Variants in AHCTF1 observed in about 807,000 individuals in gnomAD.
The protein encoded by AHCTF1 is AT-hook containing transcription factor 1, also known as protein ELYS.
In AHCTF1, 24 loss-of-function variants were observed where a neutral mutation model predicts 248.4. The observed-to-expected ratio is 0.10, with a 90% CI of 0.07 to 0.14. AHCTF1 has a LOEUF of 0.14. Among genes scored for constraint, AHCTF1 ranks in the 10% least tolerant of loss-of-function variants. AHCTF1 has a pLI of 1.00. For missense variants in AHCTF1, 2,206 were observed against 2,636.2 expected (o/e 0.84, Z 3.57); for synonymous variants, 786 against 929.8 (o/e 0.85, Z 2.81).
intron 33 of AHCTF1, among the ~76,000 whole-genome samples, chr1:246,846,694 AAAG>A: frequency 6.6e-6 from 1 of 152,216 alleles, no homozygotes; most frequent in African/African-American, 2.4e-5. Context: ...TATGAAAAAA[AAAG>A]AAATATTACG....
intron 14 of AHCTF1, among the ~76,000 whole-genome samples, chr1:246,894,040 C>CA (rs1444123854): frequency 6.6e-6 from 1 of 151,858 alleles, no homozygotes; most frequent in Non-Finnish European, 1.5e-5. Context: ...CATGTCTCTA[C>CA]AAAAAATACA....
intron 4 of AHCTF1, among the ~76,000 whole-genome samples, chr1:246,910,520 A>G (rs1665726096): frequency 6.6e-6 from 1 of 152,262 alleles, no homozygotes. Flanking sequence ...GGAATGAACT[A>G]AACAGACACA....
At chr1:246,868,895 A>T (rs1662269409) in intron 24 of AHCTF1, among the ~76,000 whole-genome samples, 2 of 141,338 alleles carry the variant, frequency 1.4e-5, no homozygotes, top group South Asian at 2.2e-4. Context: ...CCCAGGTTGG[A>T]GTGCAGTGGT....
chr1:246,889,084 C>A (rs1664028064), intron 17 of AHCTF1, among the ~76,000 whole-genome samples: 1 of 152,112 alleles, frequency 6.6e-6, no homozygotes, highest in Non-Finnish European at 1.5e-5. Flanking sequence ...CTATTTTTCA[C>A]CATATTAAGC....
intron 29 of AHCTF1, among the ~76,000 whole-genome samples, chr1:246,858,649 G>A (rs1661285797): frequency 6.6e-6 from 1 of 151,586 alleles, no homozygotes; most frequent in South Asian, 2.1e-4. Context: ...CCAACATGGT[G>A]AAACCCCGCC....
intron 33 of AHCTF1, among the ~76,000 whole-genome samples, chr1:246,847,010 G>A (rs1179745197): frequency 6.6e-6 from 1 of 152,174 alleles, no homozygotes; most frequent in African/African-American, 2.4e-5. Flanking sequence ...CTGAAGGCTG[G>A]GCACAGTGGC....
intron 5 of AHCTF1, 147 bp downstream of exon 5, chr1:246,907,404 G>A: frequency 1.4e-6 from 1 of 692,000 alleles, no homozygotes; most frequent in South Asian, 2.0e-5. Flanking sequence ...TTAATGCCAT[G>A]AAAAATTAGT....
chr1:246,912,065 C>T (rs1442848951), intron 4 of AHCTF1, among the ~76,000 whole-genome samples: 1 of 152,026 alleles, frequency 6.6e-6, no homozygotes. Context: ...TTTTTATACA[C>T]TGACAATTTT....
intron 29 of AHCTF1, among the ~76,000 whole-genome samples, chr1:246,858,815 T>C (rs867685126): frequency 7.0e-6 from 1 of 143,276 alleles, no homozygotes; most frequent in African/African-American, 2.5e-5. Flanking sequence ...AAAAAAAAAA[T>C]AAATACAAAT....
chr1:246,882,758 C>T (rs1275925633), intron 21 of AHCTF1, among the ~76,000 whole-genome samples: 1 of 152,174 alleles, frequency 6.6e-6, no homozygotes, highest in Non-Finnish European at 1.5e-5. Flanking sequence ...AAGTCTGTTG[C>T]TGTACGGTGC....
At chr1:246,849,224 G>A (rs1467116252) in intron 33 of AHCTF1, among the ~76,000 whole-genome samples, 1 of 152,204 alleles carries the variant, frequency 6.6e-6, no homozygotes, top group Non-Finnish European at 1.5e-5. Flanking sequence ...AGCTACTGGT[G>A]TTTCCCTTCA....
In AHCTF1 at chr1:246,849,679, G is replaced by T. The variant is rs1250178212; in HGVS notation, c.6327C>A (p.Asp2109Glu). The change falls in exon 33 of 36, where the codon GAC becomes GAA. Residue 2109 changes from aspartate (D) to glutamate (E), a missense_variant. Around this residue, in one of 6 missense-constraint regions of AHCTF1, gnomAD observed 469 missense variants for 470.0 expected, o/e 1.00. Transcript: ENST00000648844. ...TRSSKAILLPDLSEPNNEPLF... is the reference protein window; with the variant it reads ...TRSSKAILLPELSEPNNEPLF... ...AAGGCTCATTGTTTGGTTCAGAAAG[G>T]TCCGGCAACAAGATGGCCTTGCTAG... 3 of 1,613,836 alleles carry T rather than the reference G, an allele frequency of 1.9e-6. No homozygotes were observed. The highest frequency in any genetic ancestry group is 2.5e-6 in the Non-Finnish European group (3 of 1,179,868).
At chr1:246,892,794 G>A (rs1558253899) in intron 14 of AHCTF1, among the ~76,000 whole-genome samples, 1 of 133,820 alleles carries the variant, frequency 7.5e-6, no homozygotes, top group Non-Finnish European at 1.5e-5. Flanking sequence ...ACCCTGCCCA[G>A]CTAATTAAAA....
intron 33 of AHCTF1, among the ~76,000 whole-genome samples, chr1:246,846,508 A>T (rs1426916582): frequency 6.6e-6 from 1 of 152,118 alleles, no homozygotes; most frequent in South Asian, 2.1e-4. Context: ...TTTTCTGCCC[A>T]GCTAGTAAGT....
chr1:246,908,800 CAGG>C (rs1391409926), intron 4 of AHCTF1, among the ~76,000 whole-genome samples: 1 of 149,260 alleles, frequency 6.7e-6, no homozygotes, highest in African/African-American at 2.5e-5. Flanking sequence ...GAGGCTGAGG[CAGG>C]AGGAGAATGG....
intron 3 of AHCTF1, among the ~76,000 whole-genome samples, chr1:246,914,214 T>C (rs1392741348): frequency 2.6e-5 from 4 of 152,350 alleles, no homozygotes; most frequent in Non-Finnish European, 5.9e-5. Flanking sequence ...TTAGGTATGA[T>C]ATATGATAAA....
Position 246,890,003 on chromosome 1 carries a change from A to G in AHCTF1, c.2107T>C (p.Tyr703His). ...TCAAACTTCTGTCGACGACTGGTGT[A>G]GTAGTTCTGAATTACAGGGTAGTTG... ...CYNYPVIQNY[Y>H]TSRRQKFERL... The change falls in exon 17 of 36, where the codon TAC (tyrosine) becomes CAC (histidine). Residue 703 changes from tyrosine to histidine, a missense_variant. Coordinates refer to ENST00000648844, the MANE Select transcript of AHCTF1 (RefSeq NM_001323342.2). 6.2e-7 allele frequency: 1 copy of G among 1,612,852 alleles called. No homozygotes were observed. Among genetic ancestry groups the G allele is most frequent in the Non-Finnish European group, 8.5e-7 (1 of 1,179,506 alleles).
At chr1:246,870,360 C>A (rs1662500090) in intron 24 of AHCTF1, among the ~76,000 whole-genome samples, 1 of 152,060 alleles carries the variant, frequency 6.6e-6, no homozygotes, top group South Asian at 2.1e-4. Context: ...AAGGTCAAGG[C>A]TACAATGAGC....
chr1:246,841,308 C>T (rs1338833147), intron 35 of AHCTF1, among the ~76,000 whole-genome samples: 1 of 152,076 alleles, frequency 6.6e-6, no homozygotes, highest in Admixed American at 6.5e-5. Flanking sequence ...AAGGACGGGC[C>T]GAGTACCAGT....
Sources: allele counts gnomAD v4.1 joint callset (sites outside exome capture counted in the v4.1 genomes callset), GRCh38; gene constraint gnomAD v4.1.1; regional missense constraint gnomAD v4.1.1; transcripts MANE v1.5; gene names NCBI Gene and HGNC (gene_info 2026-07-23, HGNC 2026-07-21).